Variants in FSHR observed in about 807,000 individuals in gnomAD.
The protein encoded by FSHR is follicle stimulating hormone receptor.
FSHR carries 46 observed loss-of-function variants against 52.1 expected under a neutral mutation model. That is an observed-to-expected ratio of 0.88 (90% CI 0.70 to 1.13). The LOEUF (loss-of-function observed/expected upper bound fraction) is 1.13, where lower values mean the gene tolerates loss of function less well. Ranked by LOEUF, FSHR falls within the 50% of genes most tolerant of loss-of-function variation. FSHR has a pLI of 0.00. For missense variants in FSHR, 964 were observed against 834.6 expected (o/e 1.16, Z -1.91); for synonymous variants, 399 against 309.6 (o/e 1.29, Z -3.03).
intron 4 of FSHR, among the ~76,000 whole-genome samples, chr2:48,998,396 A>G (rs1332343201): frequency 6.6e-6 from 1 of 152,146 alleles, no homozygotes; most frequent in African/African-American, 2.4e-5. Context: ...AAACTCTCAT[A>G]GTATATGTTT....
intron 4 of FSHR, among the ~76,000 whole-genome samples, chr2:49,006,501 C>T (rs1028213830): frequency 2.0e-5 from 3 of 152,018 alleles, no homozygotes; most frequent in Admixed American, 6.6e-5. Flanking sequence ...TTATCATTTC[C>T]GTGGTTATTT....
chr2:48,990,435 C>G (rs1333498289), intron 5 of FSHR, 131 bp downstream of exon 5: 1 of 738,544 alleles, frequency 1.4e-6, no homozygotes, highest in Non-Finnish European at 2.5e-6. Flanking sequence ...TCTGGCCTCC[C>G]TATCTTTGCT....
intron 2 of FSHR, among the ~76,000 whole-genome samples, chr2:49,025,417 T>C (rs1260940770): frequency 6.6e-6 from 1 of 152,142 alleles, no homozygotes; most frequent in Non-Finnish European, 1.5e-5. Context: ...AAAAATAAAC[T>C]TTTGGTATAT....
Position 49,034,904 on chromosome 2 carries a change from G to A in FSHR, c.225-14744C>T, listed in dbSNP as rs1035876178. ...AAGGAGGGTGGCATTTAACACAGAA[G>A]ATGGTATTTGAAGGTGGAATTTGGG... On this transcript the variant is annotated intron_variant, in intron 2 of 9. Transcript: ENST00000406846. 2.6e-5 allele frequency among the ~76,000 whole-genome samples: 4 copies of A among 152,178 alleles called. No homozygotes were observed. In the South Asian group the frequency reaches 8.3e-4, roughly 31 times the overall value.
At chr2:48,999,562 T>A (rs1412934784) in intron 4 of FSHR, among the ~76,000 whole-genome samples, 1 of 152,016 alleles carries the variant, frequency 6.6e-6, no homozygotes, top group Non-Finnish European at 1.5e-5. Context: ...GTATGGAGGG[T>A]TTTATTCCTG....
intron 4 of FSHR, among the ~76,000 whole-genome samples, chr2:49,005,044 G>A (rs1667030550): frequency 6.6e-6 from 1 of 151,892 alleles, no homozygotes; most frequent in Admixed American, 6.5e-5. Context: ...CCTTTTTCAG[G>A]TTCCTCTTTC....
chr2:49,063,689 T>C (rs1220227432), intron 2 of FSHR, among the ~76,000 whole-genome samples: 1 of 152,082 alleles, frequency 6.6e-6, no homozygotes, highest in Admixed American at 6.6e-5. Flanking sequence ...GGAGAGAGGA[T>C]ACCAAAAGAT....
chr2:49,034,972 C>T (rs985521419), intron 2 of FSHR, among the ~76,000 whole-genome samples: 4 of 152,314 alleles, frequency 2.6e-5, no homozygotes, highest in Admixed American at 6.5e-5. Context: ...TTAACATTCT[C>T]TTTTGTGGCA....
In FSHR at chr2:49,051,660, C is replaced by G. The variant is rs963653127; in HGVS notation, c.224+16559G>C. 2.0e-5 allele frequency among the ~76,000 whole-genome samples: 3 copies of G among 151,580 alleles called. No individual in the cohort carries two copies. The South Asian group carries it at 6.2e-4, about 32-fold the overall frequency. On this transcript the variant is annotated intron_variant, in intron 2 of 9. Coordinates refer to ENST00000406846, the MANE Select transcript of FSHR (RefSeq NM_000145.4). Reference sequence around the variant, plus strand: ...TTGGTTGTCATTTTCTTGATGGTGTCTTTTTTTACTTTTTTTATTGTCTTT... The same window carrying G: ...TTGGTTGTCATTTTCTTGATGGTGTGTTTTTTTACTTTTTTTATTGTCTTT...
At chr2:49,062,596 G>A (rs542094588) in intron 2 of FSHR, among the ~76,000 whole-genome samples, 14 of 152,056 alleles carry the variant, frequency 9.2e-5, no homozygotes, top group African/African-American at 3.4e-4. Context: ...AGCATCTGTA[G>A]AGCAAAGGAA....
At chr2:49,066,637 A>G in intron 2 of FSHR, among the ~76,000 whole-genome samples, 1 of 152,112 alleles carries the variant, frequency 6.6e-6, no homozygotes, top group South Asian at 2.1e-4. Flanking sequence ...TGTCTGAACA[A>G]GTTGAGTTAC....
At chr2:48,989,139 G>T (rs551522921) in intron 5 of FSHR, 85 bp from the exon 6 acceptor site, 16 of 949,670 alleles carry the variant, frequency 1.7e-5, no homozygotes, top group Middle Eastern at 2.3e-4. Context: ...GGCATGATGC[G>T]GTCTTCAGCT....
At chr2:49,072,506 G>T (rs1300154223) in intron 1 of FSHR, among the ~76,000 whole-genome samples, 2 of 152,064 alleles carry the variant, frequency 1.3e-5, no homozygotes, top group Non-Finnish European at 2.9e-5. Flanking sequence ...TGTGGAAACA[G>T]AAAATTATGA....
intron 1 of FSHR, among the ~76,000 whole-genome samples, chr2:49,102,056 G>A (rs996465772): frequency 6.6e-6 from 1 of 152,092 alleles, no homozygotes; most frequent in Non-Finnish European, 1.5e-5. Flanking sequence ...TTTTGGAGGG[G>A]ACAGATATTC....
chr2:49,000,108 T>C (rs1001340621), intron 4 of FSHR, among the ~76,000 whole-genome samples: 1 of 152,130 alleles, frequency 6.6e-6, no homozygotes, highest in Non-Finnish European at 1.5e-5. Flanking sequence ...AAGGGCAGAC[T>C]ATGTCCAGTG....
chr2:49,080,097 AAAG>A (rs1021668266), intron 1 of FSHR, among the ~76,000 whole-genome samples: 10 of 152,352 alleles, frequency 6.6e-5, no homozygotes, highest in South Asian at 4.1e-4. Flanking sequence ...CATGTAAAAA[AAAG>A]AAGATGTTCA....
At chr2:49,114,216 C>G (rs1333045245) in intron 1 of FSHR, among the ~76,000 whole-genome samples, 1 of 152,176 alleles carries the variant, frequency 6.6e-6, no homozygotes, top group Non-Finnish European at 1.5e-5. Flanking sequence ...ATCACCTGCA[C>G]TTAGGGAGCC....
At chr2:49,067,547 C>T (rs1171657234) in intron 2 of FSHR, among the ~76,000 whole-genome samples, 1 of 152,030 alleles carries the variant, frequency 6.6e-6, no homozygotes, top group Non-Finnish European at 1.5e-5. Flanking sequence ...CCTGAATGCC[C>T]AGGAGGTGAT....
chr2:49,049,204 A>G lies in FSHR; in HGVS notation c.224+19015T>C, dbSNP rs147718908. Among the ~76,000 whole-genome samples, 1,115 of 152,118 alleles carry G rather than the reference A, an allele frequency of 7.3e-3. 7 individuals are homozygous for G. Among genetic ancestry groups the G allele is most frequent in the Middle Eastern group, 0.017 (5 of 294 alleles). ...AGCAAGGAGGAAAAAAAAAAGGCCAATTCATTTTCTGGTATATCTCTGAGC... is the reference window on the plus strand; with the variant it reads ...AGCAAGGAGGAAAAAAAAAAGGCCAGTTCATTTTCTGGTATATCTCTGAGC... On this transcript the variant is annotated intron_variant, in intron 2 of 9. Transcript: ENST00000406846.
Sources: gnomAD v4.1 joint callset for allele counts (sites outside exome capture counted in the v4.1 genomes callset) on GRCh38, gnomAD v4.1.1 for gene constraint, MANE v1.5 for transcripts, NCBI Gene and HGNC (gene_info 2026-07-23, HGNC 2026-07-21) for gene names.